THSD7B: variants seen among roughly 807,000 people sequenced by gnomAD.
THSD7B encodes thrombospondin type 1 domain containing 7B, also known as thrombospondin type-1 domain-containing protein 7B.
THSD7B carries 138 observed loss-of-function variants against 213.6 expected under a neutral mutation model. The ratio of observed to expected loss-of-function variants is 0.65; its 90% CI spans 0.56 to 0.74. THSD7B has a LOEUF of 0.74. Ranked by LOEUF, THSD7B falls within the 30% of genes least tolerant of loss-of-function variation. The probability of loss-of-function intolerance (pLI) is 0.00; values close to 1 mark genes in which losing one functional copy is unlikely to be tolerated. For synonymous variants in THSD7B, 742 were observed against 687.0 expected (o/e 1.08, Z -1.25); for missense variants, 1,931 against 1,991.5 (o/e 0.97, Z 0.58).
At chr2:136,860,218 C>T (rs923091912) in intron 1 of THSD7B, among the ~76,000 whole-genome samples, 1 of 151,836 alleles carries the variant, frequency 6.6e-6, no homozygotes, top group African/African-American at 2.4e-5. Context: ...AATGAGAGAA[C>T]TCAAAGGAGA....
chr2:137,221,006 C>G (rs1189300730), intron 7 of THSD7B, among the ~76,000 whole-genome samples: 1 of 152,118 alleles, frequency 6.6e-6, no homozygotes, highest in East Asian at 1.9e-4. Context: ...CAGGTGCCTT[C>G]TCAGTCGTTC....
intron 12 of THSD7B, among the ~76,000 whole-genome samples, chr2:137,306,159 T>G (rs531300356): frequency 6.6e-6 from 1 of 152,246 alleles, no homozygotes; most frequent in African/African-American, 2.4e-5. Context: ...TAGGTTTGTT[T>G]ACACAACATC....
chr2:137,541,790 A>G (rs1050355914), intron 15 of THSD7B, among the ~76,000 whole-genome samples: 3 of 151,728 alleles, frequency 2.0e-5, no homozygotes, highest in African/African-American at 4.8e-5. Context: ...TTACATAGAT[A>G]TTCTGGAGGT....
intron 12 of THSD7B, among the ~76,000 whole-genome samples, chr2:137,379,008 G>A (rs962024528): frequency 2.0e-5 from 3 of 152,042 alleles, no homozygotes; most frequent in Non-Finnish European, 4.4e-5. Flanking sequence ...GTGATATGTT[G>A]AAGCCAAGAG....
At chr2:136,853,672 C>T (rs1014259917) in intron 1 of THSD7B, among the ~76,000 whole-genome samples, 2 of 152,162 alleles carry the variant, frequency 1.3e-5, no homozygotes. Context: ...ATTTATCAGA[C>T]TTGGCATTCA....
intron 7 of THSD7B, among the ~76,000 whole-genome samples, chr2:137,208,602 A>G (rs1681036222): frequency 6.6e-6 from 1 of 152,066 alleles, no homozygotes; most frequent in Non-Finnish European, 1.5e-5. Flanking sequence ...GACTGGAGGT[A>G]TCCCTCAAAT....
intron 2 of THSD7B, among the ~76,000 whole-genome samples, chr2:136,973,881 GAC>G (rs1478173646): frequency 2.0e-5 from 3 of 152,134 alleles, no homozygotes; most frequent in Non-Finnish European, 4.4e-5. Context: ...GTTAATTTGA[GAC>G]ACAGTCTTTT....
At chr2:136,886,167 G>A (rs933858928) in intron 2 of THSD7B, among the ~76,000 whole-genome samples, 1 of 152,158 alleles carries the variant, frequency 6.6e-6, no homozygotes. Flanking sequence ...GGGTAACGGG[G>A]TCCACATGGG....
chr2:136,829,623 AT>A (rs1682716535), intron 1 of THSD7B, among the ~76,000 whole-genome samples: 1 of 152,158 alleles, frequency 6.6e-6, no homozygotes, highest in African/African-American at 2.4e-5. Context: ...AGGTTGTCTC[AT>A]TTAAATTTGG....
intron 17 of THSD7B, among the ~76,000 whole-genome samples, chr2:137,581,541 G>A (rs1003488785): frequency 5.3e-5 from 8 of 152,044 alleles, no homozygotes; most frequent in Admixed American, 3.3e-4. Context: ...AATGGAGGAC[G>A]TGGAGGCTGC....
chr2:136,919,400 T>C (rs965221218), intron 2 of THSD7B, among the ~76,000 whole-genome samples: 1 of 152,360 alleles, frequency 6.6e-6, no homozygotes, highest in South Asian at 2.1e-4. Flanking sequence ...AGTCTGCTTT[T>C]TGGGAGACCA....
At chr2:137,535,625 T>TA (rs1261324461) in intron 15 of THSD7B, among the ~76,000 whole-genome samples, 1 of 151,794 alleles carries the variant, frequency 6.6e-6, no homozygotes, top group Non-Finnish European at 1.5e-5. Flanking sequence ...TCCTGTGTGC[T>TA]ACTTGCTAGG....
intron 1 of THSD7B, among the ~76,000 whole-genome samples, chr2:136,789,694 A>G (rs969078222): frequency 6.6e-6 from 1 of 152,116 alleles, no homozygotes; most frequent in Non-Finnish European, 1.5e-5. Context: ...GATATGTGAC[A>G]TTTATGGGAG....
chr2:137,652,225 T>A (rs569685806), intron 21 of THSD7B, among the ~76,000 whole-genome samples: 8 of 152,180 alleles, frequency 5.3e-5, no homozygotes, highest in African/African-American at 1.4e-4. Context: ...TTTCTTTATA[T>A]ACTTGGGAAG....
At chr2:137,187,970 A>G (rs995836495) in intron 7 of THSD7B, among the ~76,000 whole-genome samples, 2 of 151,994 alleles carry the variant, frequency 1.3e-5, no homozygotes, top group Non-Finnish European at 1.5e-5. Context: ...TTTGCTTTCC[A>G]TGGGAAATCC....
chr2:137,403,835 A>G (rs1228871047), intron 12 of THSD7B, among the ~76,000 whole-genome samples: 1 of 152,152 alleles, frequency 6.6e-6, no homozygotes, highest in Non-Finnish European at 1.5e-5. Flanking sequence ...GTTACCACTT[A>G]AGAGGGGTGG....
intron 12 of THSD7B, among the ~76,000 whole-genome samples, chr2:137,297,456 A>T (rs925463383): frequency 6.6e-6 from 1 of 151,284 alleles, no homozygotes; most frequent in East Asian, 1.9e-4. Flanking sequence ...TAAGCTGCAA[A>T]TTCCAGGTAA....
At chr2:137,114,743 A>G (rs1558926004) in intron 4 of THSD7B, among the ~76,000 whole-genome samples, 1 of 152,202 alleles carries the variant, frequency 6.6e-6, no homozygotes, top group Non-Finnish European at 1.5e-5. Context: ...CTTTCACACA[A>G]AGTCATCTGA....
intron 2 of THSD7B, among the ~76,000 whole-genome samples, chr2:136,982,664 A>G (rs1228788876): frequency 1.3e-5 from 2 of 152,080 alleles, no homozygotes; most frequent in Non-Finnish European, 2.9e-5. Context: ...CACACAAAAA[A>G]TCCTTTTCAG....
Sources: gnomAD v4.1 joint callset for allele counts (sites outside exome capture counted in the v4.1 genomes callset) on GRCh38, gnomAD v4.1.1 for gene constraint, MANE v1.5 for transcripts, NCBI Gene and HGNC (gene_info 2026-07-23, HGNC 2026-07-21) for gene names.